Variants in MYO5A observed in about 807,000 individuals in gnomAD.
MYO5A encodes the protein myosin VA, also known as unconventional myosin-Va.
In MYO5A, 98 loss-of-function variants were observed where a neutral mutation model predicts 249.7. The observed-to-expected ratio is 0.39, with a 90% CI of 0.33 to 0.46. MYO5A has a LOEUF of 0.46. MYO5A is among the 20% of genes least tolerant of loss of function. The pLI, the probability that MYO5A is intolerant of heterozygous loss-of-function variation, is 0.98. For synonymous variants in MYO5A, 778 were observed against 810.6 expected (o/e 0.96, Z 0.68); for missense variants, 1,696 against 2,308.8 (o/e 0.73, Z 5.44).
At chr15:52,357,888 C>G (rs1396709098) in intron 25 of MYO5A, among the ~76,000 whole-genome samples, 1 of 152,208 alleles carries the variant, frequency 6.6e-6, no homozygotes, top group African/African-American at 2.4e-5. Flanking sequence ...ACTAGTCTCT[C>G]ATCTGAGGAA....
chr15:52,354,781 G>A (rs2040129691), intron 25 of MYO5A, among the ~76,000 whole-genome samples: 1 of 151,752 alleles, frequency 6.6e-6, no homozygotes, highest in African/African-American at 2.4e-5. Context: ...TTGAACCCAG[G>A]AGGTGGAGGT....
At position 52,308,187 on chromosome 15, in the gene MYO5A, C is replaced by A. The variant is rs1333664109; in HGVS notation, c.*5509G>T. ...GTTAGTCATATGAATCCAATAACGC[C>A]CATTAAGTTAAGCTAACGAACATTT... On this transcript the variant is annotated 3_prime_UTR_variant, in exon 42 of 42. Transcript: ENST00000399233. 1 of 152,034 alleles carries A rather than the reference C, an allele frequency of 6.6e-6. No homozygotes were observed. Among genetic ancestry groups the A allele is most frequent in the Non-Finnish European group, 1.5e-5 (1 of 68,006 alleles). 9.4% of individuals were successfully genotyped at this position (152,034 alleles called of 1,614,324 possible).
At chr15:52,421,403 A>G (rs187400012) in intron 4 of MYO5A, among the ~76,000 whole-genome samples, 1 of 152,348 alleles carries the variant, frequency 6.6e-6, no homozygotes, top group African/African-American at 2.4e-5. Context: ...GATGACTATG[A>G]TGATAAGAAC....
intron 14 of MYO5A, among the ~76,000 whole-genome samples, chr15:52,386,313 AAACAAC>A (rs10657432): frequency 7.3e-5 from 11 of 150,158 alleles, no homozygotes; most frequent in South Asian, 4.2e-4. Context: ...CACTGTCTCA[AAACAAC>A]AACAACAACA....
intron 35 of MYO5A, among the ~76,000 whole-genome samples, chr15:52,330,067 GAGATACATCAGTATGGTTCAA>G (rs2140956715): frequency 6.6e-6 from 1 of 151,396 alleles, no homozygotes; most frequent in East Asian, 1.9e-4. Flanking sequence ...AAGAGGGAGA[GAGATACATCAGTATGGTTCAA>G]AGCTTCCAGG....
At chr15:52,485,708 T>C (rs778246981) in intron 1 of MYO5A, among the ~76,000 whole-genome samples, 2 of 152,142 alleles carry the variant, frequency 1.3e-5, no homozygotes, top group African/African-American at 2.4e-5. Flanking sequence ...TTAAAAAAGA[T>C]AATAACATAA....
At chr15:52,404,600 G>C (rs1211282499) in intron 9 of MYO5A, among the ~76,000 whole-genome samples, 1 of 152,170 alleles carries the variant, frequency 6.6e-6, no homozygotes, top group Non-Finnish European at 1.5e-5. Flanking sequence ...GACCTTTATA[G>C]AACAATGTGA....
intron 1 of MYO5A, among the ~76,000 whole-genome samples, chr15:52,520,292 C>G (rs1046122025): frequency 6.6e-6 from 1 of 152,190 alleles, no homozygotes; most frequent in Admixed American, 6.5e-5. Flanking sequence ...TCACAGTGCC[C>G]TGTCCTCCCC....
rs1354749191 is a variant in MYO5A at position 52,340,186 on chromosome 15, C to G, written c.4239+10G>C. On this transcript the variant is annotated intron_variant, in intron 32 of 41. Transcript: ENST00000399233. ...GTTAAGAAGCATGTGGACCCGGCAG[C>G]TCTCCTTACCAAGTTTTCGTTGGTC... The G allele has an allele frequency of 1.9e-6, 3 of 1,613,996 alleles. No homozygotes were observed. Among genetic ancestry groups the G allele is most frequent in the Non-Finnish European group, 2.5e-6 (3 of 1,180,000 alleles).
intron 10 of MYO5A, among the ~76,000 whole-genome samples, chr15:52,396,890 G>C (rs369499722): frequency 6.6e-6 from 1 of 151,886 alleles, no homozygotes; most frequent in Non-Finnish European, 1.5e-5. Context: ...ACCCAAATAA[G>C]GCAAACTAGC....
chr15:52,461,500 A>G (rs2076247406), intron 1 of MYO5A, among the ~76,000 whole-genome samples: 1 of 152,256 alleles, frequency 6.6e-6, no homozygotes, highest in Non-Finnish European at 1.5e-5. Context: ...TAGCTTGCCC[A>G]AACAAAACAG....
intron 9 of MYO5A, among the ~76,000 whole-genome samples, chr15:52,399,818 C>G (rs941505360): frequency 2.6e-5 from 4 of 151,954 alleles, no homozygotes; most frequent in African/African-American, 9.7e-5. Flanking sequence ...CAACCATTAC[C>G]CTCTCTTGTA....
At position 52,336,772 on chromosome 15, in the gene MYO5A, G is replaced by A. The variant is rs141005312; in HGVS notation, c.4315-216C>T. ...ATACAACGCAGTAAACTCCTTTACA[G>A]CGTGATGGACAGCAGGCTCACTGCA... On this transcript the variant is annotated intron_variant, in intron 33 of 41. Transcript: ENST00000399233. 3.1e-4 allele frequency among the ~76,000 whole-genome samples: 47 copies of A among 152,366 alleles called. 1 individual carries two copies. The highest frequency in any genetic ancestry group is 1.0e-3 in the African/African-American group (42 of 41,588).
chr15:52,498,981 GTAAGATATCATT>G (rs1315780093), intron 1 of MYO5A, among the ~76,000 whole-genome samples: 4 of 152,194 alleles, frequency 2.6e-5, no homozygotes, highest in Non-Finnish European at 5.9e-5. Context: ...CATATCAAAT[GTAAGATATCATT>G]TAAGATTTTT....
intron 32 of MYO5A, 65 bp downstream of exon 32, chr15:52,340,130 CA>C (rs1481835458): frequency 2.7e-5 from 42 of 1,569,616 alleles, no homozygotes; most frequent in Non-Finnish European, 3.7e-5. Context: ...CGTGTTTGAT[CA>C]AAAAGAAACT....
intron 34 of MYO5A, among the ~76,000 whole-genome samples, chr15:52,334,352 C>T (rs1427097854): frequency 3.9e-5 from 6 of 152,020 alleles, no homozygotes; most frequent in Non-Finnish European, 7.4e-5. Context: ...CAAACAAATA[C>T]TCTGCTGTCT....
At chr15:52,527,127 C>T (rs1030676155) in intron 1 of MYO5A, among the ~76,000 whole-genome samples, 1 of 152,138 alleles carries the variant, frequency 6.6e-6, no homozygotes, top group Non-Finnish European at 1.5e-5. Flanking sequence ...CCATGGGCTG[C>T]GGGTTGGACA....
At chr15:52,422,646 C>A (rs1328750859) in intron 4 of MYO5A, among the ~76,000 whole-genome samples, 2 of 152,188 alleles carry the variant, frequency 1.3e-5, no homozygotes, top group South Asian at 2.1e-4. Context: ...AAGGCAATAA[C>A]CTCCCAACTA....
At chr15:52,456,219 C>T (rs1724583) in intron 1 of MYO5A, among the ~76,000 whole-genome samples, 2,843 of 152,056 alleles carry the variant, frequency 0.019, 47 homozygotes, top group Non-Finnish European at 0.032. Flanking sequence ...ACAACTGCTA[C>T]AAATAATATA....
Sources: allele counts gnomAD v4.1 joint callset (sites outside exome capture counted in the v4.1 genomes callset), GRCh38; gene constraint gnomAD v4.1.1; transcripts MANE v1.5; gene names NCBI Gene and HGNC (gene_info 2026-07-23, HGNC 2026-07-21).